Variants in CSTL1 observed in about 807,000 individuals in gnomAD.
The protein encoded by CSTL1 is cystatin like 1.
CSTL1 carries 14 observed loss-of-function variants against 14.4 expected under a neutral mutation model. The ratio of observed to expected loss-of-function variants is 0.97; its 90% CI spans 0.64 to 1.52. The LOEUF (loss-of-function observed/expected upper bound fraction) is 1.52, where lower values mean the gene tolerates loss of function less well. Among genes scored for constraint, CSTL1 ranks in the 40% most tolerant of loss-of-function variants. The probability of loss-of-function intolerance (pLI) is 0.00; values close to 1 mark genes in which losing one functional copy is unlikely to be tolerated. For synonymous variants in CSTL1, 72 were observed against 67.5 expected, an observed-to-expected ratio of 1.07 and a Z score of -0.33; for missense variants, 170 against 168.7, an observed-to-expected ratio of 1.01 and a Z score of -0.04.
chr20:23,450,399 G>A, the CSTL1 span: 2 of 671,436 alleles, frequency 3.0e-6, no homozygotes, highest in Non-Finnish European at 4.9e-6. Flanking sequence ...GTGGAATCAC[G>A]ATCTTAAGAG....
At chr20:23,458,117 A>G in the CSTL1 span, among the ~76,000 whole-genome samples, 1 of 152,248 alleles carries the variant, frequency 6.6e-6, no homozygotes, top group African/African-American at 2.4e-5. Flanking sequence ...ATTCCAAAAA[A>G]AAATCTTTCT....
chr20:23,446,059 C>T (rs556149595), downstream of CSTL1, among the ~76,000 whole-genome samples: 1 of 152,266 alleles, frequency 6.6e-6, no homozygotes, highest in East Asian at 1.9e-4. Flanking sequence ...GTAGTCTCTG[C>T]CTGGCACGTG....
At chr20:23,452,680 C>T in the CSTL1 span, 21,362 of 1,613,966 alleles carry the variant, frequency 0.013, 185 homozygotes, top group Non-Finnish European at 0.014. Flanking sequence ...AGCTGTCCTT[C>T]GCATAGTTTT....
chr20:23,460,588 C>T, the CSTL1 span, among the ~76,000 whole-genome samples: 23 of 152,018 alleles, frequency 1.5e-4, no homozygotes, highest in African/African-American at 3.6e-4. Flanking sequence ...AAGTTAAGGA[C>T]GCACCTGGGA....
At chr20:23,443,108 C>T (rs980101092) in intron 2 of CSTL1, among the ~76,000 whole-genome samples, 7 of 152,076 alleles carry the variant, frequency 4.6e-5, no homozygotes, top group East Asian at 3.9e-4. Flanking sequence ...TTTCTGTACA[C>T]GCTAGGAGGA....
chr20:23,443,084 GC>G (rs1425285639), intron 2 of CSTL1, among the ~76,000 whole-genome samples: 13 of 152,118 alleles, frequency 8.5e-5, no homozygotes, highest in Non-Finnish European at 1.3e-4. Flanking sequence ...TACCCACCAT[GC>G]CTCCTTCCTT....
the CSTL1 span, among the ~76,000 whole-genome samples, chr20:23,454,047 C>T: frequency 1.3e-5 from 2 of 151,408 alleles, no homozygotes. Context: ...AACACAGATG[C>T]ACAACACACA....
chr20:23,452,672 C>G, the CSTL1 span: 1 of 1,614,052 alleles, frequency 6.2e-7, no homozygotes, highest in Non-Finnish European at 8.5e-7. Flanking sequence ...CCACTGCAAG[C>G]TGTCCTTCGC....
chr20:23,457,367 G>T, the CSTL1 span, among the ~76,000 whole-genome samples: 1 of 152,090 alleles, frequency 6.6e-6, no homozygotes, highest in Non-Finnish European at 1.5e-5. Flanking sequence ...AATTCAGGTG[G>T]CTTCTGTATC....
At chr20:23,454,055 A>G in the CSTL1 span, among the ~76,000 whole-genome samples, 1 of 151,922 alleles carries the variant, frequency 6.6e-6, no homozygotes, top group African/African-American at 2.4e-5. Flanking sequence ...TGCACAACAC[A>G]CACACATACC....
chr20:23,455,689 G>A, the CSTL1 span, among the ~76,000 whole-genome samples: 2 of 152,332 alleles, frequency 1.3e-5, no homozygotes, highest in Middle Eastern at 3.4e-3. Context: ...TGCCTTGCCA[G>A]TTCCCTCAGG....
chr20:23,451,999 T>C, the CSTL1 span: 6 of 1,033,350 alleles, frequency 5.8e-6, no homozygotes, highest in Non-Finnish European at 9.0e-6. Flanking sequence ...GGGGCTCCGC[T>C]ACCCCACGTC....
intron 2 of CSTL1, among the ~76,000 whole-genome samples, chr20:23,443,652 C>A (rs1311547177): frequency 6.6e-6 from 1 of 152,172 alleles, no homozygotes; most frequent in Non-Finnish European, 1.5e-5. Flanking sequence ...GGCCAGGCAA[C>A]CCAGCTTGAT....
the CSTL1 span, among the ~76,000 whole-genome samples, chr20:23,459,752 T>C: frequency 6.6e-6 from 1 of 152,222 alleles, no homozygotes; most frequent in African/African-American, 2.4e-5. Context: ...CAAAAACATG[T>C]TGGATGAGTG....
At chr20:23,460,284 A>C in the CSTL1 span, among the ~76,000 whole-genome samples, 1 of 152,216 alleles carries the variant, frequency 6.6e-6, no homozygotes, top group East Asian at 1.9e-4. Context: ...TGTAAGCCTC[A>C]GTAGAATCCA....
At chr20:23,459,452 C>T in the CSTL1 span, 3 of 152,088 alleles carry the variant, frequency 2.0e-5, no homozygotes, top group African/African-American at 7.2e-5. Context: ...AAAAAATGTT[C>T]AATTATTATT....
chr20:23,441,584 A>G (rs938170526), intron 2 of CSTL1, among the ~76,000 whole-genome samples: 1 of 152,242 alleles, frequency 6.6e-6, no homozygotes, highest in Non-Finnish European at 1.5e-5. Context: ...CACATATGGT[A>G]AATCATTTCT....
At chr20:23,445,585 C>T (rs1397578561), downstream of CSTL1, among the ~76,000 whole-genome samples, 2 of 152,174 alleles carry the variant, frequency 1.3e-5, no homozygotes, top group African/African-American at 4.8e-5. Context: ...ACAGAATGTT[C>T]ATAATCATTG....
chr20:23,452,779 G>A, the CSTL1 span: 2 of 1,614,138 alleles, frequency 1.2e-6, no homozygotes, highest in Non-Finnish European at 1.7e-6. Context: ...TGGCCAACAG[G>A]AGCTGTAGGG....
Sources: gnomAD v4.1 joint callset for allele counts (sites outside exome capture counted in the v4.1 genomes callset) on GRCh38, gnomAD v4.1.1 for gene constraint, MANE v1.5 for transcripts, NCBI Gene and HGNC (gene_info 2026-07-23, HGNC 2026-07-21) for gene names.